PPIP5K2: variants seen among roughly 807,000 people sequenced by gnomAD.
PPIP5K2 encodes the protein inositol hexakisphosphate and diphosphoinositol-pentakisphosphate kinase 2.
PPIP5K2 carries 105 observed loss-of-function variants against 154.6 expected under a neutral mutation model. That is an observed-to-expected ratio of 0.68 (90% CI 0.58 to 0.80). The LOEUF (loss-of-function observed/expected upper bound fraction) is 0.80, where lower values mean the gene tolerates loss of function less well. PPIP5K2 is among the 30% of genes least tolerant of loss of function. The probability of loss-of-function intolerance (pLI) is 0.00; values close to 1 mark genes in which losing one functional copy is unlikely to be tolerated. For synonymous variants in PPIP5K2, 480 were observed against 490.3 expected, an observed-to-expected ratio of 0.98 and a Z score of 0.28; for missense variants, 992 against 1,504.6, an observed-to-expected ratio of 0.66 and a Z score of 5.64.
At chr5:103,141,641 G>C (rs941930832) in intron 5 of PPIP5K2, among the ~76,000 whole-genome samples, 7 of 152,098 alleles carry the variant, frequency 4.6e-5, no homozygotes, top group African/African-American at 1.7e-4. Flanking sequence ...ACAGAGTTTC[G>C]ACACACAGGT....
At chr5:103,175,276 G>C (rs1420950839) in intron 21 of PPIP5K2, among the ~76,000 whole-genome samples, 1 of 151,988 alleles carries the variant, frequency 6.6e-6, no homozygotes, top group East Asian at 1.9e-4. Flanking sequence ...TCAAAGTTCT[G>C]TTCCAATTAA....
Position 103,187,244 on chromosome 5 carries a change from C to T in PPIP5K2, c.3290-70C>T, listed in dbSNP as rs1800530577. 3 of 1,179,308 alleles carry T rather than the reference C, an allele frequency of 2.5e-6. 1 individual carries two copies. The South Asian group carries it at 4.1e-5, about 16-fold the overall frequency. The allele number at this position is 1,179,308 out of a possible 1,614,324, so 73.1% of individuals were successfully genotyped here. A position where few individuals can be genotyped will look rare whatever the true frequency, so the allele number is the denominator to read the frequency against. On this transcript the variant is annotated intron_variant, in intron 27 of 30. Coordinates refer to ENST00000358359, the MANE Select transcript of PPIP5K2 (RefSeq NM_001276277.3). ...CTAACCTCCTCATATATTTGTTTTTCCCCTCTTTCTTTTAAGTGTTCTTTT... is the reference window on the plus strand; with the variant it reads ...CTAACCTCCTCATATATTTGTTTTTTCCCTCTTTCTTTTAAGTGTTCTTTT...
Position 103,167,300 on chromosome 5 carries a change from T to C in PPIP5K2, c.2042T>C (p.Met681Thr), listed in dbSNP as rs782324371. The C allele has an allele frequency of 2.5e-6, 4 of 1,586,644 alleles. No individual in the cohort carries two copies. The South Asian group carries it at 4.7e-5, about 19-fold the overall frequency. The change falls in exon 18 of 31, where the codon ATG becomes ACG. Residue 681 changes from methionine (M) to threonine (T), a missense_variant. Met to Thr is a moderately conservative substitution (Grantham distance 81). Coordinates refer to ENST00000358359, the MANE Select transcript of PPIP5K2 (RefSeq NM_001276277.3). ...TTGACTTCTCAAATCAGACATCGAATGGAAGATCCTAAATCATCAGGTAAA... is the reference window on the plus strand; with the variant it reads ...TTGACTTCTCAAATCAGACATCGAACGGAAGATCCTAAATCATCAGGTAAA... ...QSLTSQIRHR[M>T]EDPKSSDIQL...
At chr5:103,174,692 A>T (rs1580348051) in intron 21 of PPIP5K2, among the ~76,000 whole-genome samples, 1 of 152,162 alleles carries the variant, frequency 6.6e-6, no homozygotes, top group South Asian at 2.1e-4. Flanking sequence ...AACTTCTAAA[A>T]TCATGTAGCA....
chr5:103,147,115 C>T (rs2149539734), intron 6 of PPIP5K2, among the ~76,000 whole-genome samples: 1 of 151,888 alleles, frequency 6.6e-6, no homozygotes, highest in Admixed American at 6.5e-5. Flanking sequence ...TTTGGATTGA[C>T]AAAGATAAAA....
intron 2 of PPIP5K2, among the ~76,000 whole-genome samples, 188 bp downstream of exon 2, chr5:103,129,891 A>T (rs1386412531): frequency 6.6e-6 from 1 of 152,228 alleles, no homozygotes; most frequent in Non-Finnish European, 1.5e-5. Context: ...ATGTTGTTTA[A>T]TGATGCCTAT....
At chr5:103,176,041 A>G (rs1237516924) in intron 21 of PPIP5K2, among the ~76,000 whole-genome samples, 1 of 152,050 alleles carries the variant, frequency 6.6e-6, no homozygotes, top group African/African-American at 2.4e-5. Context: ...TTCAGAATGG[A>G]TGGGGTAAAA....
At chr5:103,190,098 A>G (rs532023387) in intron 28 of PPIP5K2, among the ~76,000 whole-genome samples, 1 of 152,112 alleles carries the variant, frequency 6.6e-6, no homozygotes, top group South Asian at 2.1e-4. Context: ...AAAAACATAA[A>G]CTGTGTATTT....
chr5:103,126,924 A>G (rs1221891278), intron 1 of PPIP5K2, among the ~76,000 whole-genome samples: 1 of 152,018 alleles, frequency 6.6e-6, no homozygotes, highest in Non-Finnish European at 1.5e-5. Flanking sequence ...CTTCAATCCA[A>G]TCAAGTTGAC....
At position 103,208,143 on chromosome 5, in the gene PPIP5K2, T is replaced by A. The variant is rs1415971730; in HGVS notation, c.*6509T>A. 2 of 151,508 alleles carry A rather than the reference T, an allele frequency of 1.3e-5. No individual in the cohort carries two copies. Among genetic ancestry groups the A allele is most frequent in the Non-Finnish European group, 2.9e-5 (2 of 67,926 alleles). The allele number at this position is 151,508 out of a possible 1,614,324, so 9.4% of individuals were successfully genotyped here. On this transcript the variant is annotated 3_prime_UTR_variant, in exon 31 of 31. Transcript: ENST00000358359. ...TTTACTCTTGTTGCCTAGGCTGGAG[T>A]GCAGTGGCATGATCTCAGCTCACTG... is the stretch of plus-strand genomic sequence containing the variant.
chr5:103,167,360 T>C lies in PPIP5K2; in HGVS notation c.2062+40T>C, dbSNP rs59260940. The C allele has an allele frequency of 8.2e-3, 11,937 of 1,449,420 alleles. 772 individuals carry two copies. In the African/African-American group the frequency reaches 0.15, roughly 18 times the overall value. The allele number at this position is 1,449,420 out of a possible 1,614,324, so 89.8% of individuals were successfully genotyped here. On this transcript the variant is annotated intron_variant, in intron 18 of 30. Coordinates refer to ENST00000358359, the MANE Select transcript of PPIP5K2 (RefSeq NM_001276277.3). ...CTTAGAGCATAGAACAAATAAAAGT[T>C]ACTATTCAATTAAGCATTTAATATA...
At position 103,120,506 on chromosome 5, in the gene PPIP5K2, G is replaced by T; in HGVS notation, c.-285+18G>T. 2.2e-6 allele frequency: 1 copy of T among 456,642 alleles called. No homozygotes were observed. Among genetic ancestry groups the T allele is most frequent in the Non-Finnish European group, 4.4e-6 (1 of 226,952 alleles). The allele number at this position is 456,642 out of a possible 1,614,324, so 28.3% of individuals were successfully genotyped here. A position where few individuals can be genotyped will look rare whatever the true frequency, so the allele number is the denominator to read the frequency against. On this transcript the variant is annotated intron_variant, in intron 1 of 30. Coordinates refer to ENST00000358359, the MANE Select transcript of PPIP5K2 (RefSeq NM_001276277.3). Reference sequence around the variant, plus strand: ...CGTGGCAGGTGAGGGCCCAAAACCGGAGGAGAACCGGAGATGCGGAACCTG... The same window carrying T: ...CGTGGCAGGTGAGGGCCCAAAACCGTAGGAGAACCGGAGATGCGGAACCTG...
At chr5:103,136,946 C>CAGAAAT (rs1338088487) in intron 4 of PPIP5K2, 124 bp downstream of exon 4, 1 of 702,894 alleles carries the variant, frequency 1.4e-6, no homozygotes, top group African/African-American at 1.8e-5. Flanking sequence ...AAATAATACT[C>CAGAAAT]AGAAATAGTT....
chr5:103,186,106 C>G (rs1800329740), intron 26 of PPIP5K2, among the ~76,000 whole-genome samples: 1 of 151,790 alleles, frequency 6.6e-6, no homozygotes, highest in South Asian at 2.1e-4. Context: ...TTAAATTACC[C>G]CATTTGTACC....
chr5:103,143,738 C>T (rs1407579737), intron 5 of PPIP5K2, among the ~76,000 whole-genome samples: 2 of 152,146 alleles, frequency 1.3e-5, no homozygotes, highest in Non-Finnish European at 1.5e-5. Flanking sequence ...TTAAACATCC[C>T]TTCATGATAA....
chr5:103,154,705 A>C lies in PPIP5K2; in HGVS notation c.1253A>C (p.Lys418Thr). The C allele has an allele frequency of 1.3e-6, 2 of 1,579,196 alleles. No homozygotes were observed. Reference protein sequence around the residue: ...FDLFEKCDGYKSGKLKLKKPK... With the variant: ...FDLFEKCDGYTSGKLKLKKPK... ...CTTTTTGAAAAGTGTGATGGATATA[A>C]ATCAGGGAAATTAAAACTCAAAAAA... The change falls in exon 12 of 31, where the codon AAA becomes ACA. Residue 418 changes from lysine to threonine, a missense_variant. Lys to Thr is a moderately conservative substitution (Grantham distance 78). Coordinates refer to ENST00000358359, the MANE Select transcript of PPIP5K2 (RefSeq NM_001276277.3).
Position 103,129,414 on chromosome 5 carries a change from C to T in PPIP5K2, c.-176C>T. 2.4e-6 allele frequency: 1 copy of T among 417,370 alleles called. No individual in the cohort carries two copies. 25.9% of individuals were successfully genotyped at this position (417,370 alleles called of 1,614,324 possible). A position where few individuals can be genotyped will look rare whatever the true frequency, so the allele number is the denominator to read the frequency against. Reference sequence around the variant, plus strand: ...ACAATGAAGCAATGATATCTAAGAACAAAAGAGTATTTGCCAACAGTCATC... The same window carrying T: ...ACAATGAAGCAATGATATCTAAGAATAAAAGAGTATTTGCCAACAGTCATC... On this transcript the variant is annotated 5_prime_UTR_variant, in exon 2 of 31. Coordinates refer to ENST00000358359, the MANE Select transcript of PPIP5K2 (RefSeq NM_001276277.3).
chr5:103,193,114 G>A (rs952671875), intron 29 of PPIP5K2, among the ~76,000 whole-genome samples: 1 of 152,004 alleles, frequency 6.6e-6, no homozygotes, highest in South Asian at 2.1e-4. Flanking sequence ...AGAAAAAATC[G>A]TAGAAAGACA....
At position 103,207,582 on chromosome 5, in the gene PPIP5K2, A is replaced by T. The variant is rs1218246635; in HGVS notation, c.*5948A>T. 1 of 152,012 alleles carries T rather than the reference A, an allele frequency of 6.6e-6. No individual in the cohort carries two copies. The highest frequency in any genetic ancestry group is 2.1e-4 in the South Asian group (1 of 4,830). 9.4% of individuals were successfully genotyped at this position (152,012 alleles called of 1,614,324 possible). A position where few individuals can be genotyped will look rare whatever the true frequency, so the allele number is the denominator to read the frequency against. On this transcript the variant is annotated 3_prime_UTR_variant, in exon 31 of 31. Coordinates refer to ENST00000358359, the MANE Select transcript of PPIP5K2 (RefSeq NM_001276277.3). ...TTATATTTAATTTTAAAGTCTATAT[A>T]TATATATATATAGATCCTATCTGTT...
Sources: allele counts gnomAD v4.1 joint callset (sites outside exome capture counted in the v4.1 genomes callset), GRCh38; gene constraint gnomAD v4.1.1; transcripts MANE v1.5; gene names NCBI Gene and HGNC (gene_info 2026-07-23, HGNC 2026-07-21).